The following RBFOX1 variants were observed in gnomAD, a reference collection of about 807,000 sequenced individuals.
The protein encoded by RBFOX1 is RNA binding protein fox-1 homolog 1.
A neutral mutation model predicts 57.7 loss-of-function variants in RBFOX1; 8 were observed. The observed-to-expected ratio is 0.14, with a 90% CI of 0.08 to 0.25. The LOEUF (loss-of-function observed/expected upper bound fraction) is 0.25, where lower values mean the gene tolerates loss of function less well. RBFOX1 is among the 10% of genes least tolerant of loss of function. The pLI, the probability that RBFOX1 is intolerant of heterozygous loss-of-function variation, is 1.00. For missense variants in RBFOX1, 611 were observed against 548.5 expected (o/e 1.11, Z -1.14); for synonymous variants, 326 against 222.4 (o/e 1.47, Z -4.15).
chr16:5,893,622 C>T (rs866486338), intron 4 of RBFOX1, among the ~76,000 whole-genome samples: 3 of 152,068 alleles, frequency 2.0e-5, no homozygotes, highest in Admixed American at 1.3e-4. Context: ...ACCTGGCCAA[C>T]GTGGCAAAAC....
chr16:6,585,702 A>G (rs1167085888), intron 2 of RBFOX1, among the ~76,000 whole-genome samples: 1 of 151,992 alleles, frequency 6.6e-6, no homozygotes, highest in Non-Finnish European at 1.5e-5. Context: ...AACTGTAATC[A>G]TGCACCTGTT....
chr16:6,100,285 C>T (rs1050026754), intron 1 of RBFOX1, among the ~76,000 whole-genome samples: 3 of 152,116 alleles, frequency 2.0e-5, no homozygotes, highest in Admixed American at 1.3e-4. Context: ...GCCTCAGCCT[C>T]CCGAGGAGCT....
intron 1 of RBFOX1, among the ~76,000 whole-genome samples, chr16:6,102,227 T>C (rs1356423980): frequency 6.6e-6 from 1 of 151,296 alleles, no homozygotes; most frequent in Non-Finnish European, 1.5e-5. Context: ...TGGAAACCTC[T>C]AGTGACAAGC....
rs973422097 is a variant in RBFOX1 at position 6,506,585 on chromosome 16, A to G, written c.-63-148018A>G. Among the ~76,000 whole-genome samples, 53 of 142,672 alleles carry G rather than the reference A, an allele frequency of 3.7e-4. 1 individual carries two copies. Among genetic ancestry groups the G allele is most frequent in the East Asian group, 6.5e-4 (3 of 4,636 alleles). The allele number at this position is 142,672 out of a possible 152,430, so 93.6% of individuals were successfully genotyped here. A position where few individuals can be genotyped will look rare whatever the true frequency, so the allele number is the denominator to read the frequency against. Reference sequence around the variant, plus strand: ...AGTCTAGACTCACCTTTGATGTTGAATTTGTCAGTATAAACGGTAATAACA... The same window carrying G: ...AGTCTAGACTCACCTTTGATGTTGAGTTTGTCAGTATAAACGGTAATAACA... On this transcript the variant is annotated intron_variant, in intron 2 of 15. Coordinates refer to ENST00000550418, the MANE Select transcript of RBFOX1 (RefSeq NM_018723.4).
chr16:5,780,507 A>G lies in RBFOX1; in HGVS notation c.319-86796A>G, dbSNP rs144963513. On this transcript the variant is annotated intron_variant, in intron 3 of 19. Coordinates refer to the RBFOX1 transcript ENST00000641259. ...ATCATAATATCACGTTGTATACCATAGATATATACAGTGTGTATTTGTCAA... is the reference window on the plus strand; with the variant it reads ...ATCATAATATCACGTTGTATACCATGGATATATACAGTGTGTATTTGTCAA... 8.0e-4 allele frequency among the ~76,000 whole-genome samples: 122 copies of G among 152,348 alleles called. 1 individual carries two copies. The highest frequency in any genetic ancestry group is 1.4e-3 in the Non-Finnish European group (94 of 68,034).
intron 3 of RBFOX1, among the ~76,000 whole-genome samples, chr16:6,822,296 A>G (rs1380254388): frequency 6.6e-6 from 1 of 152,134 alleles, no homozygotes; most frequent in Non-Finnish European, 1.5e-5. Flanking sequence ...TATCACCATT[A>G]TTCTTTGTTG....
At chr16:5,581,306 G>C (rs1220099519) in intron 2 of RBFOX1, among the ~76,000 whole-genome samples, 1 of 152,230 alleles carries the variant, frequency 6.6e-6, no homozygotes, top group African/African-American at 2.4e-5. Context: ...GGAGACAGAG[G>C]TCCTAACTCT....
chr16:5,723,127 A>G (rs946301432), intron 3 of RBFOX1, among the ~76,000 whole-genome samples: 2 of 152,176 alleles, frequency 1.3e-5, no homozygotes, highest in East Asian at 1.9e-4. Flanking sequence ...AGAGTCATCC[A>G]TGCTGAATGA....
chr16:6,076,071 G>A (rs933259090), intron 1 of RBFOX1, among the ~76,000 whole-genome samples: 3 of 152,126 alleles, frequency 2.0e-5, no homozygotes, highest in African/African-American at 7.2e-5. Flanking sequence ...GGCTGAGGAG[G>A]GCTAATCACC....
At chr16:5,386,423 C>T (rs34391087) in intron 1 of RBFOX1, among the ~76,000 whole-genome samples, 22,933 of 152,050 alleles carry the variant, frequency 0.15, 1,913 homozygotes, top group Non-Finnish European at 0.17. Flanking sequence ...TGCTGAGCCA[C>T]GCAAGAGGGC....
At chr16:6,572,829 A>G (rs955566339) in intron 2 of RBFOX1, among the ~76,000 whole-genome samples, 16 of 152,066 alleles carry the variant, frequency 1.1e-4, no homozygotes, top group Non-Finnish European at 2.4e-4. Context: ...CCTGACCTCA[A>G]GTGATCCACC....
intron 3 of RBFOX1, among the ~76,000 whole-genome samples, chr16:6,673,622 G>A (rs1014413531): frequency 1.3e-5 from 2 of 152,108 alleles, no homozygotes; most frequent in African/African-American, 4.8e-5. Context: ...ATATAGATAT[G>A]TATTGAACAC....
intron 4 of RBFOX1, among the ~76,000 whole-genome samples, chr16:5,951,648 A>G (rs533421378): frequency 2.0e-5 from 3 of 152,042 alleles, no homozygotes. Flanking sequence ...ATCAGCAGAA[A>G]CAGTCCCTGC....
intron 3 of RBFOX1, among the ~76,000 whole-genome samples, chr16:5,831,757 T>C (rs929880550): frequency 2.6e-5 from 4 of 152,114 alleles, no homozygotes; most frequent in Non-Finnish European, 4.4e-5. Flanking sequence ...CTTTATAAAT[T>C]ACCCCGTGTC....
intron 11 of RBFOX1, among the ~76,000 whole-genome samples, chr16:7,636,725 G>C (rs750472563): frequency 6.6e-6 from 1 of 152,168 alleles, no homozygotes; most frequent in South Asian, 2.1e-4. Context: ...AGTTCTGGAG[G>C]CTGGAAGTCC....
chr16:7,656,446 G>T (rs1390928422), intron 12 of RBFOX1, among the ~76,000 whole-genome samples: 1 of 151,734 alleles, frequency 6.6e-6, no homozygotes, highest in Admixed American at 6.5e-5. Flanking sequence ...CTGGCTGGAA[G>T]AGCAAGAACC....
intron 1 of RBFOX1, among the ~76,000 whole-genome samples, chr16:6,142,363 A>G (rs1452708776): frequency 6.6e-6 from 1 of 151,346 alleles, no homozygotes; most frequent in Non-Finnish European, 1.5e-5. Context: ...CTGGGACTAC[A>G]GGCGCCCGCC....
intron 4 of RBFOX1, among the ~76,000 whole-genome samples, chr16:7,442,912 C>G (rs1273204255): frequency 1.3e-5 from 2 of 152,188 alleles, no homozygotes; most frequent in Non-Finnish European, 2.9e-5. Context: ...TGATTTGAGC[C>G]ATTGCCTGTT....
intron 9 of RBFOX1, among the ~76,000 whole-genome samples, 186 bp downstream of exon 9, chr16:7,597,617 G>A (rs1370817177): frequency 6.6e-6 from 1 of 152,224 alleles, no homozygotes; most frequent in Admixed American, 6.5e-5. Flanking sequence ...CAAATGGAGT[G>A]TTCAGGTTAA....
Sources: gnomAD v4.1 joint callset for allele counts (sites outside exome capture counted in the v4.1 genomes callset) on GRCh38, gnomAD v4.1.1 for gene constraint, MANE v1.5 for transcripts, NCBI Gene and HGNC (gene_info 2026-07-23, HGNC 2026-07-21) for gene names.